The following DNAJC15 variants were observed in gnomAD, a reference collection of about 807,000 sequenced individuals.
The protein encoded by DNAJC15 is DnaJ heat shock protein family (Hsp40) member C15.
A neutral mutation model predicts 22.4 loss-of-function variants in DNAJC15; 27 were observed. The observed-to-expected ratio is 1.20, with a 90% CI of 0.89 to 1.66. DNAJC15 has a LOEUF of 1.66. Ranked by LOEUF, DNAJC15 falls within the 40% of genes most tolerant of loss-of-function variation. The pLI, the probability that DNAJC15 is intolerant of heterozygous loss-of-function variation, is 0.00. For synonymous variants in DNAJC15, 79 were observed against 63.2 expected (o/e 1.25, Z -1.19); for missense variants, 208 against 187.1 (o/e 1.11, Z -0.65).
chr13:43,055,870 A>C (rs1322368979), intron 1 of DNAJC15, among the ~76,000 whole-genome samples: 1 of 151,962 alleles, frequency 6.6e-6, no homozygotes, highest in African/African-American at 2.4e-5. Flanking sequence ...ATACATTTTG[A>C]TTTAATATTA....
Position 43,023,695 on chromosome 13 carries a change from G to A in DNAJC15, c.69G>A (p.Ser23=). The A allele has an allele frequency of 6.2e-7, 1 of 1,612,270 alleles. No homozygotes were observed. The highest frequency in any genetic ancestry group is 1.1e-5 in the South Asian group (1 of 90,762). ...SLRYAEYLQP[S]AKRPDADVDQ... The stretch of plus-strand genomic sequence containing the variant: ...GCTACGCTGAGTACTTGCAGCCCTC[G>A]GCCAAACGGCCAGACGCCGACGTCG... The change falls in exon 1 of 6, where the codon TCG becomes TCA. Residue 23 remains serine (S), a synonymous_variant. Transcript: ENST00000379221.
rs573953674 is a variant in DNAJC15, at chr13:43,092,512, G to A, written c.382+6674G>A. On this transcript the variant is annotated intron_variant, in intron 5 of 5. Transcript: ENST00000379221. ...CATATACACACACACATGTGTGTGT[G>A]TATATATATATATAAATGTTACTTT... 1.6e-4 allele frequency among the ~76,000 whole-genome samples: 24 copies of A among 149,852 alleles called. 1 individual carries two copies. Among genetic ancestry groups the A allele is most frequent in the South Asian group, 8.4e-4 (4 of 4,782 alleles).
intron 1 of DNAJC15, among the ~76,000 whole-genome samples, chr13:43,048,219 C>A (rs1324815529): frequency 6.6e-6 from 1 of 151,988 alleles, no homozygotes; most frequent in Non-Finnish European, 1.5e-5. Flanking sequence ...TTGGCTTACG[C>A]CTATTATCCC....
At chr13:43,037,052 G>T (rs1488248957) in intron 1 of DNAJC15, among the ~76,000 whole-genome samples, 5 of 152,222 alleles carry the variant, frequency 3.3e-5, no homozygotes, top group Non-Finnish European at 7.3e-5. Context: ...ATAGGTGGCT[G>T]GCCTCCTGCC....
chr13:43,076,250 ATC>A (rs2040633648), intron 3 of DNAJC15, among the ~76,000 whole-genome samples: 3 of 152,162 alleles, frequency 2.0e-5, no homozygotes, highest in African/African-American at 7.2e-5. Flanking sequence ...ACAGTCCTTG[ATC>A]TCTCATTTGA....
chr13:43,103,571 A>G (rs1224408437), intron 5 of DNAJC15, among the ~76,000 whole-genome samples: 2 of 152,218 alleles, frequency 1.3e-5, no homozygotes, highest in Non-Finnish European at 2.9e-5. Context: ...GCACATGATC[A>G]GTTACAGTAA....
rs2040826750 is a variant in DNAJC15, at chr13:43,111,929, C to T, written c.*4681C>T. The T allele has an allele frequency of 6.6e-6, 1 of 152,188 alleles. No homozygotes were observed. 9.4% of individuals were successfully genotyped at this position (152,188 alleles called of 1,614,324 possible). ...CAAAATTTTATTTATGGTGGCATTA[C>T]ACACATTAAGAGATGAGGACTTCTG... On this transcript the variant is annotated 3_prime_UTR_variant, in exon 6 of 6. Transcript: ENST00000379221.
intron 1 of DNAJC15, among the ~76,000 whole-genome samples, chr13:43,038,991 G>GT (rs1485554261): frequency 1.3e-5 from 2 of 152,102 alleles, no homozygotes; most frequent in Non-Finnish European, 2.9e-5. Context: ...GACTTTATAT[G>GT]TTTTTTGTGA....
intron 5 of DNAJC15, among the ~76,000 whole-genome samples, chr13:43,092,501 C>A (rs887674219): frequency 6.6e-6 from 1 of 150,794 alleles, no homozygotes; most frequent in African/African-American, 2.5e-5. Flanking sequence ...TACACACACA[C>A]ATGTGTGTGT....
intron 3 of DNAJC15, among the ~76,000 whole-genome samples, chr13:43,072,566 A>ATTC (rs2040613988): frequency 6.7e-6 from 1 of 149,690 alleles, no homozygotes. Context: ...TATCCACCGA[A>ATTC]TTCTTCACAT....
intron 5 of DNAJC15, among the ~76,000 whole-genome samples, chr13:43,094,691 G>A (rs2040731129): frequency 6.6e-6 from 1 of 152,142 alleles, no homozygotes; most frequent in African/African-American, 2.4e-5. Flanking sequence ...AAAATCAGCT[G>A]TGTATCAGGC....
intron 5 of DNAJC15, among the ~76,000 whole-genome samples, chr13:43,101,899 G>A (rs1338095998): frequency 1.3e-5 from 2 of 152,132 alleles, no homozygotes; most frequent in Non-Finnish European, 2.9e-5. Context: ...AAACATGTGT[G>A]CAAGTGTCTT....
chr13:43,053,483 A>G (rs919368206), intron 1 of DNAJC15, among the ~76,000 whole-genome samples: 5 of 152,026 alleles, frequency 3.3e-5, no homozygotes, highest in African/African-American at 1.2e-4. Context: ...GAGTTTGTAG[A>G]TTGCTTTTGG....
At chr13:43,056,302 C>T (rs893544463) in intron 1 of DNAJC15, among the ~76,000 whole-genome samples, 1 of 152,028 alleles carries the variant, frequency 6.6e-6, no homozygotes, top group Non-Finnish European at 1.5e-5. Context: ...CCACGCCTGG[C>T]TAATTTTGTA....
chr13:43,096,503 A>G (rs947244858), intron 5 of DNAJC15, among the ~76,000 whole-genome samples: 2 of 152,246 alleles, frequency 1.3e-5, no homozygotes, highest in Non-Finnish European at 2.9e-5. Context: ...GAACAGGATC[A>G]TGAGGTGTCT....
At chr13:43,083,446 C>T (rs1418609060) in intron 4 of DNAJC15, among the ~76,000 whole-genome samples, 4 of 152,138 alleles carry the variant, frequency 2.6e-5, no homozygotes, top group South Asian at 2.1e-4. Flanking sequence ...GGATTACAGG[C>T]GTGAGCTACT....
chr13:43,043,582 T>C, intron 1 of DNAJC15, among the ~76,000 whole-genome samples: 1 of 152,248 alleles, frequency 6.6e-6, no homozygotes, highest in East Asian at 1.9e-4. Flanking sequence ...ATAGTGAAGA[T>C]TTAACTTTGA....
At chr13:43,072,719 A>G (rs1237885743) in intron 3 of DNAJC15, among the ~76,000 whole-genome samples, 2 of 151,998 alleles carry the variant, frequency 1.3e-5, no homozygotes, top group Non-Finnish European at 2.9e-5. Flanking sequence ...ACTCGTCACT[A>G]TTCCCAGCTA....
At chr13:43,065,940 A>G (rs1023034051) in intron 2 of DNAJC15, among the ~76,000 whole-genome samples, 2 of 152,236 alleles carry the variant, frequency 1.3e-5, no homozygotes, top group South Asian at 4.1e-4. Flanking sequence ...AAAATTAGTG[A>G]TAAAAAGCCA....
Sources: gnomAD v4.1 joint callset for allele counts (sites outside exome capture counted in the v4.1 genomes callset) on GRCh38, gnomAD v4.1.1 for gene constraint, MANE v1.5 for transcripts, NCBI Gene and HGNC (gene_info 2026-07-23, HGNC 2026-07-21) for gene names.